IKZF3: variants seen among roughly 807,000 people sequenced by gnomAD.
IKZF3 encodes the protein IKAROS family zinc finger 3, also known as zinc finger protein Aiolos.
In IKZF3, 10 loss-of-function variants were observed where a neutral mutation model predicts 49.0. The ratio of observed to expected loss-of-function variants is 0.20; its 90% CI spans 0.13 to 0.35. IKZF3 has a LOEUF of 0.35. Among genes scored for constraint, IKZF3 ranks in the 10% least tolerant of loss-of-function variants. The pLI is 1.00. For synonymous variants in IKZF3, 209 were observed against 228.2 expected (o/e 0.92, Z 0.76); for missense variants, 498 against 664.8 (o/e 0.75, Z 2.76).
rs1319697088 is a variant in IKZF3, at chr17:39,764,315, T to C, written c.*1475A>G. On this transcript the variant is annotated 3_prime_UTR_variant, in exon 8 of 8. Coordinates refer to ENST00000346872, the MANE Select transcript of IKZF3 (RefSeq NM_012481.5). Reference sequence around the variant, plus strand: ...CCCTATCTCTACAAAAAGAACAAAATGTAGCCAGACATGGTGGTGTGCACT... The same window carrying C: ...CCCTATCTCTACAAAAAGAACAAAACGTAGCCAGACATGGTGGTGTGCACT... The C allele has an allele frequency of 6.6e-6, 1 of 151,760 alleles. No individual in the cohort carries two copies. Among genetic ancestry groups the C allele is most frequent in the Non-Finnish European group, 1.5e-5 (1 of 67,958 alleles). 9.4% of individuals were successfully genotyped at this position (151,760 alleles called of 1,614,324 possible). A position where few individuals can be genotyped will look rare whatever the true frequency, so the allele number is the denominator to read the frequency against.
At chr17:39,834,812 C>T (rs946748488) in intron 1 of IKZF3, among the ~76,000 whole-genome samples, 6 of 152,162 alleles carry the variant, frequency 3.9e-5, no homozygotes, top group Admixed American at 6.5e-5. Flanking sequence ...GGGGGTATCC[C>T]AGGCAGTAAA....
At chr17:39,836,654 C>T (rs969225713) in intron 1 of IKZF3, among the ~76,000 whole-genome samples, 1 of 152,102 alleles carries the variant, frequency 6.6e-6, no homozygotes, top group Non-Finnish European at 1.5e-5. Flanking sequence ...TTGTCTATTT[C>T]TCTCTGTTCT....
At chr17:39,795,468 G>A (rs1235860822) in intron 3 of IKZF3, among the ~76,000 whole-genome samples, 2 of 152,008 alleles carry the variant, frequency 1.3e-5, no homozygotes, top group Non-Finnish European at 2.9e-5. Context: ...GAGTGTAGTG[G>A]CACGATCAGC....
chr17:39,788,652 C>T (rs927537773), intron 5 of IKZF3, among the ~76,000 whole-genome samples: 6 of 152,128 alleles, frequency 3.9e-5, no homozygotes, highest in African/African-American at 9.7e-5. Flanking sequence ...GTTTTGGCTC[C>T]AGGTCAAATT....
chr17:39,759,505 G>T lies in IKZF3; in HGVS notation c.*6285C>A, dbSNP rs560409176. On this transcript the variant is annotated 3_prime_UTR_variant, in exon 8 of 8. Transcript: ENST00000346872. ...TGTGTATCTTCATAACAATGGTGGG[G>T]CAAAGACTATCTACAGCTGGGGCAA... 6.6e-6 allele frequency: 1 copy of T among 152,152 alleles called. No homozygotes were observed. Among genetic ancestry groups the T allele is most frequent in the African/African-American group, 2.4e-5 (1 of 41,438 alleles). The allele number at this position is 152,152 out of a possible 1,614,324, so 9.4% of individuals were successfully genotyped here. A position where few individuals can be genotyped will look rare whatever the true frequency, so the allele number is the denominator to read the frequency against.
intron 7 of IKZF3, among the ~76,000 whole-genome samples, chr17:39,771,091 A>G (rs1350651435): frequency 9.2e-5 from 14 of 152,228 alleles, no homozygotes; most frequent in Admixed American, 5.2e-4. Flanking sequence ...ACCAGGATGT[A>G]ATCCAAGAGC....
At chr17:39,801,434 CA>C (rs2061314656) in intron 3 of IKZF3, among the ~76,000 whole-genome samples, 1 of 152,112 alleles carries the variant, frequency 6.6e-6, no homozygotes, top group East Asian at 1.9e-4. Context: ...AATAGTTTAC[CA>C]GGTTTTGACA....
chr17:39,836,048 C>G (rs2062269901), intron 1 of IKZF3: 1 of 643,502 alleles, frequency 1.6e-6, no homozygotes, highest in Admixed American at 2.1e-5. Context: ...TCTACTTGGT[C>G]TCCAGCATCT....
chr17:39,857,277 T>C (rs2063089070), intron 1 of IKZF3, among the ~76,000 whole-genome samples: 1 of 152,236 alleles, frequency 6.6e-6, no homozygotes, highest in Non-Finnish European at 1.5e-5. Context: ...AGAGTGATCT[T>C]TTTCTCATAT....
intron 6 of IKZF3, among the ~76,000 whole-genome samples, chr17:39,787,662 T>A (rs2060905536): frequency 1.3e-5 from 2 of 152,222 alleles, no homozygotes; most frequent in Non-Finnish European, 2.9e-5. Context: ...TTGCTTGAAT[T>A]ATTGCAATGG....
At chr17:39,863,966 C>G (rs2063291969) in intron 1 of IKZF3, among the ~76,000 whole-genome samples, 154 bp downstream of exon 1, 1 of 152,220 alleles carries the variant, frequency 6.6e-6, no homozygotes, top group Admixed American at 6.5e-5. Context: ...GTTAAGAGAA[C>G]CGACGCGCTT....
At chr17:39,828,320 T>G (rs2062012261) in intron 3 of IKZF3, among the ~76,000 whole-genome samples, 1 of 152,192 alleles carries the variant, frequency 6.6e-6, no homozygotes, top group Non-Finnish European at 1.5e-5. Flanking sequence ...AACCCTATCC[T>G]GTATGTATGG....
intron 3 of IKZF3, among the ~76,000 whole-genome samples, chr17:39,799,763 A>T (rs1444944451): frequency 1.3e-5 from 2 of 152,190 alleles, no homozygotes; most frequent in Non-Finnish European, 2.9e-5. Flanking sequence ...TACCATTTCA[A>T]TAGTGTATTC....
chr17:39,812,307 C>A (rs2061579357), intron 3 of IKZF3, among the ~76,000 whole-genome samples: 1 of 152,040 alleles, frequency 6.6e-6, no homozygotes, highest in African/African-American at 2.4e-5. Context: ...CACCCAAAAC[C>A]CAAAATCCCT....
At chr17:39,789,726 T>TCAAACAAACAAA (rs143282055) in intron 5 of IKZF3, among the ~76,000 whole-genome samples, 5 of 137,116 alleles carry the variant, frequency 3.6e-5, no homozygotes, top group African/African-American at 1.1e-4. Flanking sequence ...AGACACCATC[T>TCAAACAAACAAA]CAAACAAACA....
Position 39,766,339 on chromosome 17 carries a change from C to T in IKZF3, c.981G>A (p.Pro327=), listed in dbSNP as rs141018800. ...GAACCATCTCCGAGGTGGGAGCAGG[C>T]GGTGTCTGGACCAAGGGGCGCAGGG... ...AEALRPLVQT[P]PAPTSEMVPV... The change falls in exon 8 of 8, where the codon CCG becomes CCA. Residue 327 remains proline, a synonymous_variant. Coordinates refer to ENST00000346872, the MANE Select transcript of IKZF3 (RefSeq NM_012481.5). 240 of 1,614,154 alleles carry T rather than the reference C, an allele frequency of 1.5e-4. 1 individual carries two copies. In the South Asian group the frequency reaches 1.5e-3, roughly 10 times the overall value.
At position 39,844,612 on chromosome 17, in the gene IKZF3, T is replaced by G. The variant is rs942140418; in HGVS notation, c.8-12461A>C. ...TCATTATCACCATCATTCATTTTTT[T>G]GGGGGGGACAGAGTCTTGTTTTTTT... On this transcript the variant is annotated intron_variant, in intron 1 of 7. Coordinates refer to ENST00000346872, the MANE Select transcript of IKZF3 (RefSeq NM_012481.5). Among the ~76,000 whole-genome samples the G allele has an allele frequency of 3.3e-5, 5 of 152,024 alleles. No homozygotes were observed. In the South Asian group the frequency reaches 8.3e-4, roughly 25 times the overall value.
chr17:39,832,913 G>A (rs1477327777), intron 1 of IKZF3, among the ~76,000 whole-genome samples: 3 of 151,926 alleles, frequency 2.0e-5, no homozygotes, highest in African/African-American at 7.3e-5. Flanking sequence ...AATACTCAAG[G>A]TGATAAACAT....
At chr17:39,811,167 G>A (rs915725597) in intron 3 of IKZF3, among the ~76,000 whole-genome samples, 1 of 150,472 alleles carries the variant, frequency 6.6e-6, no homozygotes, top group Non-Finnish European at 1.5e-5. Context: ...AGCCCACGAG[G>A]TCAAGGCTAC....
Sources: gnomAD v4.1 joint callset for allele counts (sites outside exome capture counted in the v4.1 genomes callset) on GRCh38, gnomAD v4.1.1 for gene constraint, MANE v1.5 for transcripts, NCBI Gene and HGNC (gene_info 2026-07-23, HGNC 2026-07-21) for gene names.